The following ZNF536 variants were observed in gnomAD, a reference collection of about 807,000 sequenced individuals.
ZNF536 encodes zinc finger protein 536.
ZNF536 carries 13 observed loss-of-function variants against 84.5 expected under a neutral mutation model. The ratio of observed to expected loss-of-function variants is 0.15; its 90% confidence interval spans 0.10 to 0.24. The LOEUF (loss-of-function observed/expected upper bound fraction) is 0.24. ZNF536 is among the 10% of genes least tolerant of loss of function. The pLI is 1.00. For synonymous variants in ZNF536, 811 were observed against 742.5 expected, an observed-to-expected ratio of 1.09 and a Z score of -1.50; for missense variants, 1,536 against 1,747.5, an observed-to-expected ratio of 0.88 and a Z score of 2.16.
chr19:30,611,591 C>T (rs1417827600), intron 1 of ZNF536, among the ~76,000 whole-genome samples: 1 of 152,116 alleles, frequency 6.6e-6, no homozygotes, highest in East Asian at 1.9e-4. Flanking sequence ...ACTGGGTAAA[C>T]CAGAAGTCAT....
chr19:30,333,622 T>A (rs1484857322), intron 2 of ZNF536, among the ~76,000 whole-genome samples: 1 of 152,148 alleles, frequency 6.6e-6, no homozygotes, highest in African/African-American at 2.4e-5. Flanking sequence ...TCCCAGTGTC[T>A]ACCTTCTGCC....
At chr19:30,424,708 C>T (rs2051136006) in intron 1 of ZNF536, among the ~76,000 whole-genome samples, 1 of 152,336 alleles carries the variant, frequency 6.6e-6, no homozygotes, top group East Asian at 1.9e-4. Flanking sequence ...GACTCTGGAA[C>T]ATCATGCCTA....
chr19:30,640,288 G>A (rs1193433042), intron 1 of ZNF536, among the ~76,000 whole-genome samples: 11 of 152,150 alleles, frequency 7.2e-5, no homozygotes, highest in East Asian at 1.9e-4. Flanking sequence ...ACACAAATAC[G>A]CACCACTGTT....
At chr19:30,428,372 C>T (rs565177461) in intron 1 of ZNF536, among the ~76,000 whole-genome samples, 5 of 152,342 alleles carry the variant, frequency 3.3e-5, no homozygotes, top group South Asian at 2.1e-4. Context: ...GCATTGCCAC[C>T]GTAGCACACT....
intron 1 of ZNF536, among the ~76,000 whole-genome samples, chr19:30,247,547 C>T (rs544593961): frequency 4.6e-4 from 70 of 152,162 alleles, no homozygotes; most frequent in African/African-American, 1.6e-3. Flanking sequence ...CACAGCTGGG[C>T]GTGGTGGATC....
chr19:30,686,970 G>T (rs1468147369), intron 1 of ZNF536, among the ~76,000 whole-genome samples: 1 of 152,130 alleles, frequency 6.6e-6, no homozygotes, highest in Admixed American at 6.5e-5. Context: ...TAGCCTATCC[G>T]ATCCCTCCCC....
At chr19:30,700,197 TTTCC>T (rs770286597) in intron 1 of ZNF536, among the ~76,000 whole-genome samples, 30 of 131,728 alleles carry the variant, frequency 2.3e-4, no homozygotes, top group African/African-American at 8.7e-4. Context: ...TCCTTCTTTC[TTTCC>T]TTCTTTCTTT....
intron 1 of ZNF536, among the ~76,000 whole-genome samples, chr19:30,233,948 C>T (rs1304039369): frequency 1.3e-5 from 2 of 152,146 alleles, no homozygotes; most frequent in Non-Finnish European, 2.9e-5. Flanking sequence ...CACACCCTGA[C>T]ACCAGGCTTG....
At position 30,595,601 on chromosome 19, in the gene ZNF536, CT is replaced by C. The variant is rs1195192330; in HGVS notation, c.169+46089del. On this transcript the variant is annotated intron_variant, in intron 1 of 1. Coordinates refer to the ZNF536 transcript ENST00000592773. ...CCATGCCTGGCCAGAACTCAATGTT[CT>C]TGAACTGTGGTTATTTGTACCTCGA... Among the ~76,000 whole-genome samples the C allele has an allele frequency of 2.6e-5, 4 of 152,164 alleles. No individual in the cohort carries two copies. In the East Asian group the frequency reaches 7.7e-4, roughly 29 times the overall value.
chr19:30,480,537 G>A (rs951029066), intron 2 of ZNF536, among the ~76,000 whole-genome samples: 4 of 151,886 alleles, frequency 2.6e-5, no homozygotes, highest in Non-Finnish European at 2.9e-5. Context: ...ATCACACACC[G>A]GGGCCTGTCG....
At chr19:30,619,391 G>A (rs1366831108) in intron 1 of ZNF536, among the ~76,000 whole-genome samples, 3 of 152,156 alleles carry the variant, frequency 2.0e-5, no homozygotes, top group Non-Finnish European at 2.9e-5. Flanking sequence ...ATGAGATTCA[G>A]CTCTGTGAGG....
At chr19:30,398,898 G>A (rs1173106815) in intron 1 of ZNF536, among the ~76,000 whole-genome samples, 1 of 152,182 alleles carries the variant, frequency 6.6e-6, no homozygotes, top group Non-Finnish European at 1.5e-5. Context: ...TCTCTTTATA[G>A]TAGAATGATT....
At chr19:30,386,786 G>T (rs1330983832) in intron 1 of ZNF536, among the ~76,000 whole-genome samples, 1 of 152,222 alleles carries the variant, frequency 6.6e-6, no homozygotes, top group Non-Finnish European at 1.5e-5. Flanking sequence ...TAGGTATTAG[G>T]TATTTATTTG....
chr19:30,709,401 C>T (rs2052373014), intron 1 of ZNF536, among the ~76,000 whole-genome samples: 1 of 152,156 alleles, frequency 6.6e-6, no homozygotes, highest in African/African-American at 2.4e-5. Context: ...GAGCAAGACT[C>T]AGGTGACACC....
At chr19:30,316,191 C>A (rs1433097564) in intron 2 of ZNF536, among the ~76,000 whole-genome samples, 2 of 152,152 alleles carry the variant, frequency 1.3e-5, no homozygotes, top group Non-Finnish European at 2.9e-5. Flanking sequence ...TAGACGCCAC[C>A]AAATTTCCTT....
chr19:30,405,303 TTC>T (rs1453884942), intron 1 of ZNF536, among the ~76,000 whole-genome samples: 1 of 152,190 alleles, frequency 6.6e-6, no homozygotes, highest in African/African-American at 2.4e-5. Context: ...ATCAGAAATA[TTC>T]TGTTTCCTGA....
rs188082593 is a variant in ZNF536 at position 30,315,909 on chromosome 19, T to A, written c.-120+31768T>A. On this transcript the variant is annotated intron_variant, in intron 2 of 5. Transcript: ENST00000585628. ...ATATTGTCCTGAGACTTACTTTTTT[T>A]AAAAAAAACAGTATTGTTTTTAGAT... Among the ~76,000 whole-genome samples, 1,221 of 152,054 alleles carry A rather than the reference T, an allele frequency of 8.0e-3. 17 individuals are homozygous for A. The highest frequency in any genetic ancestry group is 0.037 in the South Asian group (177 of 4,806).
chr19:30,615,115 T>C (rs1228954098), intron 1 of ZNF536, among the ~76,000 whole-genome samples: 87 of 141,444 alleles, frequency 6.2e-4, no homozygotes, highest in African/African-American at 5.8e-4. Flanking sequence ...CCCGGCTAAT[T>C]TTTGTATTTT....
downstream of ZNF536, among the ~76,000 whole-genome samples, chr19:30,561,055 C>A (rs2046145918): frequency 6.6e-6 from 1 of 152,244 alleles, no homozygotes; most frequent in Admixed American, 6.5e-5. Context: ...CAGACACACC[C>A]ATCTAATGGT....
Sources: gnomAD v4.1 joint callset for allele counts (sites outside exome capture counted in the v4.1 genomes callset) on GRCh38, gnomAD v4.1.1 for gene constraint, MANE v1.5 for transcripts, NCBI Gene and HGNC (gene_info 2026-07-23, HGNC 2026-07-21) for gene names.